The following EVI5 variants were observed in gnomAD, a reference collection of about 807,000 sequenced individuals.
EVI5 encodes the protein ecotropic viral integration site 5, also known as ecotropic viral integration site 5 protein homolog.
EVI5 carries 73 observed loss-of-function variants against 112.0 expected under a neutral mutation model. The observed-to-expected ratio is 0.65, with a 90% confidence interval of 0.54 to 0.79. EVI5 has a LOEUF of 0.79. EVI5 is among the 30% of genes least tolerant of loss of function. EVI5 has a pLI of 0.00. For missense variants in EVI5, 900 were observed against 968.8 expected, an observed-to-expected ratio of 0.93 and a Z score of 0.94; for synonymous variants, 305 against 319.9, an observed-to-expected ratio of 0.95 and a Z score of 0.50.
chr1:92,674,644 C>T (rs184363176), intron 10 of EVI5, among the ~76,000 whole-genome samples: 16 of 150,842 alleles, frequency 1.1e-4, no homozygotes, highest in Admixed American at 1.1e-3. Flanking sequence ...ATGTAACAAA[C>T]CTGCATGTTC....
chr1:92,745,098 A>ATTT (rs750800778), intron 1 of EVI5, among the ~76,000 whole-genome samples: 6 of 129,828 alleles, frequency 4.6e-5, no homozygotes, highest in African/African-American at 8.8e-5. Context: ...TGCCAGGCTA[A>ATTT]TTTTTTTTTT....
upstream of EVI5, among the ~76,000 whole-genome samples, chr1:92,789,247 G>A (rs1685904690): frequency 6.6e-6 from 1 of 152,036 alleles, no homozygotes; most frequent in Admixed American, 6.6e-5. Flanking sequence ...TTAAAAGACT[G>A]GGTCTCACTA....
chr1:92,639,621 T>C (rs1308875170), intron 13 of EVI5, among the ~76,000 whole-genome samples: 1 of 152,152 alleles, frequency 6.6e-6, no homozygotes, highest in East Asian at 1.9e-4. Context: ...AACCCAAACA[T>C]TTCATGGAAC....
At chr1:92,554,908 C>G (rs1341584577) in intron 19 of EVI5, among the ~76,000 whole-genome samples, 7 of 152,128 alleles carry the variant, frequency 4.6e-5, no homozygotes, top group African/African-American at 1.2e-4. Flanking sequence ...TTGAGCCCAG[C>G]AGGTTGAGGC....
chr1:92,520,538 A>G (rs905181254), intron 19 of EVI5, among the ~76,000 whole-genome samples: 1 of 152,140 alleles, frequency 6.6e-6, no homozygotes. Context: ...CCCCGTGTAA[A>G]GATGCCAAAA....
intron 13 of EVI5, among the ~76,000 whole-genome samples, chr1:92,653,988 C>T (rs541446720): frequency 1.3e-5 from 2 of 152,124 alleles, no homozygotes; most frequent in South Asian, 4.2e-4. Flanking sequence ...TCTGCAGAGA[C>T]CTCAGTGTAC....
chr1:92,699,963 G>T (rs1423046776), intron 5 of EVI5, among the ~76,000 whole-genome samples: 1 of 152,052 alleles, frequency 6.6e-6, no homozygotes, highest in Non-Finnish European at 1.5e-5. Context: ...AACTAGAGGA[G>T]AATTTTTTTT....
intron 10 of EVI5, among the ~76,000 whole-genome samples, chr1:92,666,427 G>C (rs1455726414): frequency 7.0e-6 from 1 of 143,476 alleles, no homozygotes; most frequent in Non-Finnish European, 1.5e-5. Flanking sequence ...CGAATCTGTC[G>C]TCCCAGCTAC....
At chr1:92,775,094 C>T (rs1253249268) in intron 1 of EVI5, among the ~76,000 whole-genome samples, 1 of 152,172 alleles carries the variant, frequency 6.6e-6, no homozygotes, top group Non-Finnish European at 1.5e-5. Context: ...CAGTCATGCA[C>T]CGCATAAGAA....
At chr1:92,573,946 C>A (rs1670662978) in intron 18 of EVI5, among the ~76,000 whole-genome samples, 1 of 151,972 alleles carries the variant, frequency 6.6e-6, no homozygotes, top group Non-Finnish European at 1.5e-5. Flanking sequence ...TCTTTTAGCA[C>A]TCAAAAGTGT....
chr1:92,540,622 GGTT>G (rs1489637152), intron 19 of EVI5, among the ~76,000 whole-genome samples: 1 of 151,880 alleles, frequency 6.6e-6, no homozygotes, highest in Non-Finnish European at 1.5e-5. Context: ...CCATTCTCTA[GGTT>G]GTCTTTTCAC....
chr1:92,575,859 T>A lies in EVI5; in HGVS notation c.2071-12122A>T, dbSNP rs535970998. 1.7e-3 allele frequency among the ~76,000 whole-genome samples: 265 copies of A among 152,246 alleles called. 1 individual carries two copies. Among genetic ancestry groups the A allele is most frequent in the African/African-American group, 5.8e-3 (243 of 41,570 alleles). ...GATTACAGGCATAATCCCAGCCACC[T>A]TGCCTGACCTTATGCATTTTAGAAT... On this transcript the variant is annotated intron_variant, in intron 18 of 19. Coordinates refer to ENST00000684568, the MANE Select transcript of EVI5 (RefSeq NM_001350197.2).
At chr1:92,706,032 A>C (rs2102567554) in intron 2 of EVI5, among the ~76,000 whole-genome samples, 1 of 152,316 alleles carries the variant, frequency 6.6e-6, no homozygotes, top group East Asian at 1.9e-4. Flanking sequence ...CATTTTCAAT[A>C]ATACAACAGT....
chr1:92,558,586 A>T (rs950672934), intron 19 of EVI5, among the ~76,000 whole-genome samples: 1 of 152,154 alleles, frequency 6.6e-6, no homozygotes, highest in African/African-American at 2.4e-5. Context: ...GCCATGTTTG[A>T]TCTTATCTGG....
intron 16 of EVI5, among the ~76,000 whole-genome samples, chr1:92,621,002 T>A (rs1242088420): frequency 6.6e-6 from 1 of 152,028 alleles, no homozygotes; most frequent in Non-Finnish European, 1.5e-5. Context: ...TGTATAGTTA[T>A]TTATTCATTT....
intron 15 of EVI5, 145 bp downstream of exon 15, chr1:92,625,649 T>C (rs868140678): frequency 3.1e-5 from 19 of 607,604 alleles, no homozygotes; most frequent in Middle Eastern, 4.6e-4. Context: ...TTTCAGTTTA[T>C]AAATACTCTC....
intron 17 of EVI5, among the ~76,000 whole-genome samples, chr1:92,606,449 T>C (rs1166572043): frequency 6.6e-6 from 1 of 152,234 alleles, no homozygotes; most frequent in African/African-American, 2.4e-5. Context: ...CTCAATCAGA[T>C]ATTGGTATGA....
chr1:92,779,529 A>G (rs1361634118), intron 1 of EVI5, among the ~76,000 whole-genome samples: 1 of 152,084 alleles, frequency 6.6e-6, no homozygotes, highest in Non-Finnish European at 1.5e-5. Context: ...AAAAAAAAAA[A>G]AGAAAGGCTT....
At chr1:92,698,027 T>A (rs200679702) in intron 5 of EVI5, 42 bp from the exon 6 acceptor site, 11 of 1,570,906 alleles carry the variant, frequency 7.0e-6, no homozygotes, top group Non-Finnish European at 9.5e-6. Flanking sequence ...TAATGTTCTC[T>A]GATACACAAA....
Sources: gnomAD v4.1 joint callset for allele counts (sites outside exome capture counted in the v4.1 genomes callset) on GRCh38, gnomAD v4.1.1 for gene constraint, MANE v1.5 for transcripts, NCBI Gene and HGNC (gene_info 2026-07-23, HGNC 2026-07-21) for gene names.